SGCD: variants seen among roughly 807,000 people sequenced by gnomAD.
The protein encoded by SGCD is sarcoglycan delta.
A neutral mutation model predicts 36.6 loss-of-function variants in SGCD; 18 were observed. That is an observed-to-expected ratio of 0.49 (90% CI 0.34 to 0.73). SGCD has a LOEUF of 0.73. Among genes scored for constraint, SGCD ranks in the 30% least tolerant of loss-of-function variants. The probability of loss-of-function intolerance (pLI) is 0.01; values close to 1 mark genes in which losing one functional copy is unlikely to be tolerated. For synonymous variants in SGCD, 133 were observed against 130.6 expected (o/e 1.02, Z -0.12); for missense variants, 387 against 346.7 (o/e 1.12, Z -0.92).
At chr5:155,877,134 G>A (rs1755783136) in intron 1 of SGCD, among the ~76,000 whole-genome samples, 1 of 152,068 alleles carries the variant, frequency 6.6e-6, no homozygotes, top group African/African-American at 2.4e-5. Flanking sequence ...TTCTAAAAAT[G>A]CAAATGCTAC....
At chr5:156,332,065 G>A (rs1365984140) in intron 2 of SGCD, among the ~76,000 whole-genome samples, 3 of 152,152 alleles carry the variant, frequency 2.0e-5, no homozygotes, top group Non-Finnish European at 2.9e-5. Context: ...TCAGGGGTCA[G>A]GAATATTGGT....
intron 4 of SGCD, among the ~76,000 whole-genome samples, chr5:156,571,919 C>G (rs973114865): frequency 1.3e-5 from 2 of 152,186 alleles, no homozygotes; most frequent in African/African-American, 4.8e-5. Context: ...ACTTTTATCT[C>G]TTTCTCCAGC....
At chr5:156,540,941 G>A (rs936063290) in intron 4 of SGCD, among the ~76,000 whole-genome samples, 4 of 152,142 alleles carry the variant, frequency 2.6e-5, no homozygotes, top group African/African-American at 9.7e-5. Flanking sequence ...TAGTGGAGAA[G>A]ATAAACAAGA....
the SGCD span, among the ~76,000 whole-genome samples, chr5:155,820,142 T>C: frequency 1.3e-5 from 2 of 152,228 alleles, no homozygotes; most frequent in African/African-American, 4.8e-5. Flanking sequence ...GGACTAGGAC[T>C]CCTTTATGCA....
rs114250785 is a variant in SGCD at position 156,693,490 on chromosome 5, A to C, written c.575+45954A>C. 1.2e-3 allele frequency among the ~76,000 whole-genome samples: 183 copies of C among 152,184 alleles called. 1 individual carries two copies. Among genetic ancestry groups the C allele is most frequent in the African/African-American group, 4.2e-3 (173 of 41,540 alleles). ...TCACAATCGTTTAATTTTTATCTTG[A>C]GAAATAGTTGAGAAGGTGAAAATGA... On this transcript the variant is annotated intron_variant, in intron 7 of 8. Transcript: ENST00000337851.
intron 3 of SGCD, among the ~76,000 whole-genome samples, chr5:156,132,000 A>G (rs913102875): frequency 6.6e-6 from 1 of 152,240 alleles, no homozygotes; most frequent in African/African-American, 2.4e-5. Flanking sequence ...AAAATTGCAA[A>G]TATGTGCAAG....
chr5:156,487,813 A>AAAAAGAAAG (rs1554107842), intron 3 of SGCD, among the ~76,000 whole-genome samples: 3 of 77,796 alleles, frequency 3.9e-5, no homozygotes, highest in Non-Finnish European at 7.5e-5. Context: ...AAAAAAAAAA[A>AAAAAGAAAG]AAAGAAAGAA....
intron 3 of SGCD, among the ~76,000 whole-genome samples, chr5:156,385,531 T>A (rs554221689): frequency 6.6e-6 from 1 of 152,360 alleles, no homozygotes; most frequent in African/African-American, 2.4e-5. Flanking sequence ...GGTATTTTAT[T>A]TTCACAATAT....
chr5:156,511,032 A>G (rs1237585805), intron 4 of SGCD, among the ~76,000 whole-genome samples: 3 of 152,218 alleles, frequency 2.0e-5, no homozygotes, highest in Admixed American at 6.5e-5. Context: ...AAAAAGTAAC[A>G]ATACTTACGT....
At chr5:155,999,626 A>C (rs1581035330) in intron 1 of SGCD, among the ~76,000 whole-genome samples, 2 of 152,342 alleles carry the variant, frequency 1.3e-5, no homozygotes, top group East Asian at 3.9e-4. Context: ...CAAAGGCCTC[A>C]TTAGAGCTTA....
chr5:156,424,827 T>G (rs1773595703), intron 3 of SGCD, among the ~76,000 whole-genome samples: 1 of 151,700 alleles, frequency 6.6e-6, no homozygotes. Flanking sequence ...TTATTCAGAG[T>G]CCTCTGCCAG....
chr5:156,340,083 C>T (rs1768566881), intron 2 of SGCD, among the ~76,000 whole-genome samples: 1 of 152,142 alleles, frequency 6.6e-6, no homozygotes, highest in Non-Finnish European at 1.5e-5. Context: ...GTATACATAA[C>T]CTACAAACCC....
intron 7 of SGCD, among the ~76,000 whole-genome samples, chr5:156,671,605 T>G (rs1753297446): frequency 6.6e-6 from 1 of 151,956 alleles, no homozygotes; most frequent in African/African-American, 2.4e-5. Context: ...GCAGTAAGAG[T>G]CTGCTGGAAA....
the SGCD span, among the ~76,000 whole-genome samples, chr5:155,783,532 A>G: frequency 6.6e-6 from 1 of 151,666 alleles, no homozygotes; most frequent in Admixed American, 6.6e-5. Context: ...AGGATCTAAA[A>G]AGGAATTTTT....
At chr5:156,606,580 G>T (rs1761466174) in intron 6 of SGCD, among the ~76,000 whole-genome samples, 1 of 152,116 alleles carries the variant, frequency 6.6e-6, no homozygotes, top group East Asian at 1.9e-4. Flanking sequence ...CCAATTCTGT[G>T]AAGAAAGTCA....
intron 1 of SGCD, among the ~76,000 whole-genome samples, chr5:155,900,541 A>C (rs977239601): frequency 7.2e-5 from 11 of 151,820 alleles, no homozygotes; most frequent in Non-Finnish European, 1.5e-4. Flanking sequence ...GTCATCTAGC[A>C]TTAGGTATAT....
chr5:155,728,298 C>T, the SGCD span, among the ~76,000 whole-genome samples: 2 of 150,126 alleles, frequency 1.3e-5, no homozygotes, highest in African/African-American at 2.5e-5. Context: ...CTGCCGCTGC[C>T]GGAGCCCGAA....
chr5:156,147,951 G>A (rs995012575), intron 3 of SGCD, among the ~76,000 whole-genome samples: 1 of 152,154 alleles, frequency 6.6e-6, no homozygotes, highest in African/African-American at 2.4e-5. Flanking sequence ...AGAAATTAAG[G>A]AGAAAGTGTC....
At position 156,400,227 on chromosome 5, in the gene SGCD, T is replaced by C. The variant is rs140474267; in HGVS notation, c.192+55550T>C. Among the ~76,000 whole-genome samples the C allele has an allele frequency of 4.4e-4, 67 of 152,320 alleles. No homozygotes were observed. In the East Asian group the frequency reaches 0.012, roughly 28 times the overall value. ...TACTCTTGGTGTGGGCCTGGGAATT[T>C]GCATTTTAACAAGTTCCCAAGTAAT... On this transcript the variant is annotated intron_variant, in intron 3 of 8. Transcript: ENST00000337851.
Sources: gnomAD v4.1 joint callset for allele counts (sites outside exome capture counted in the v4.1 genomes callset) on GRCh38, gnomAD v4.1.1 for gene constraint, MANE v1.5 for transcripts, NCBI Gene and HGNC (gene_info 2026-07-23, HGNC 2026-07-21) for gene names.